The following CHLSN variants were observed in gnomAD, a reference collection of about 807,000 sequenced individuals.
CHLSN encodes protein cholesin.
chr7:1,041,302 A>ACCTGGGGTCCGCGCTGCGGGGAAGGGGG, the CHLSN span, among the ~76,000 whole-genome samples: 6 of 115,462 alleles, frequency 5.2e-5, no homozygotes, highest in Non-Finnish European at 9.5e-5. Flanking sequence ...GGGGAAGGGG[A>ACCTGGGGTCCGCGCTGCGGGGAAGGGGG]CCTGGGGTCC....
At chr7:1,057,432 C>T in the CHLSN span, 7 of 648,662 alleles carry the variant, frequency 1.1e-5, no homozygotes, top group African/African-American at 1.1e-4. Context: ...ACCTGCAGCA[C>T]TTCTGGGCCA....
the CHLSN span, among the ~76,000 whole-genome samples, chr7:1,115,315 C>T: frequency 3.3e-5 from 5 of 152,232 alleles, no homozygotes; most frequent in Non-Finnish European, 1.5e-5. Flanking sequence ...CTGCCACTGC[C>T]CACCCTTCGG....
the CHLSN span, among the ~76,000 whole-genome samples, chr7:1,008,851 G>GTAAACACACA: frequency 2.0e-5 from 3 of 147,504 alleles, no homozygotes. Flanking sequence ...ACGCACACAC[G>GTAAACACACA]TAAACACACG....
chr7:1,038,940 G>T, the CHLSN span, among the ~76,000 whole-genome samples: 1 of 69,532 alleles, frequency 1.4e-5, no homozygotes, highest in Non-Finnish European at 3.1e-5. Context: ...GGGCGCCTCT[G>T]CCCGGCCGCC....
At chr7:1,010,276 C>T in the CHLSN span, 2 of 768,048 alleles carry the variant, frequency 2.6e-6, no homozygotes, top group Non-Finnish European at 4.0e-6. Flanking sequence ...TGGGTCTGGC[C>T]CCAGCCGACA....
the CHLSN span, among the ~76,000 whole-genome samples, chr7:1,099,428 C>T: frequency 1.3e-5 from 2 of 152,234 alleles, no homozygotes; most frequent in Non-Finnish European, 2.9e-5. Context: ...TTCCTAAGAG[C>T]GGAAGGGTTT....
the CHLSN span, among the ~76,000 whole-genome samples, chr7:999,908 C>T: frequency 1.8e-4 from 28 of 152,360 alleles, no homozygotes; most frequent in African/African-American, 6.3e-4. Flanking sequence ...CTCGTTTCAT[C>T]CTGTGAAACT....
At chr7:1,074,824 G>C in the CHLSN span, 4 of 152,516 alleles carry the variant, frequency 2.6e-5, no homozygotes, top group African/African-American at 7.2e-5. Context: ...AGCCGCTCGA[G>C]GGACCCGCCC....
the CHLSN span, among the ~76,000 whole-genome samples, chr7:1,064,598 C>G: frequency 6.6e-6 from 1 of 152,232 alleles, no homozygotes; most frequent in Non-Finnish European, 1.5e-5. Context: ...GCTCAAAGCT[C>G]AAGTGTCACC....
At chr7:1,120,958 C>T in the CHLSN span, among the ~76,000 whole-genome samples, 523 of 152,074 alleles carry the variant, frequency 3.4e-3, 5 homozygotes, top group Admixed American at 5.0e-3. Context: ...TGGGGCAGCG[C>T]GGCTGGCAGA....
chr7:1,023,081 C>A, the CHLSN span: 3 of 424,978 alleles, frequency 7.1e-6, no homozygotes, highest in Non-Finnish European at 1.4e-5. This position sits in a 1 kb window ranked among gnomAD's most constrained non-coding sequence, Gnocchi z 5.0. Flanking sequence ...GGGACGCTTC[C>A]TGCCATGGTG....
the CHLSN span, among the ~76,000 whole-genome samples, chr7:1,063,392 G>C: frequency 6.6e-6 from 1 of 152,348 alleles, no homozygotes; most frequent in African/African-American, 2.4e-5. Flanking sequence ...GGGTGCTCCT[G>C]AGAAACGGGC....
At chr7:982,428 C>T in the CHLSN span, among the ~76,000 whole-genome samples, 4 of 152,238 alleles carry the variant, frequency 2.6e-5, no homozygotes, top group Admixed American at 6.5e-5. Context: ...GGCCCGGCCG[C>T]TTCTGCTGCC....
the CHLSN span, among the ~76,000 whole-genome samples, chr7:1,042,385 C>A: frequency 3.3e-5 from 5 of 152,300 alleles, no homozygotes; most frequent in East Asian, 5.8e-4. Context: ...CAGGGCCACA[C>A]GCCCCCCTAC....
the CHLSN span, chr7:1,092,999 T>C: frequency 2.5e-6 from 2 of 790,790 alleles, no homozygotes; most frequent in African/African-American, 1.7e-5. Flanking sequence ...AGGGTCACGC[T>C]TGCCTGGTCA....
At chr7:1,072,750 C>G in the CHLSN span, among the ~76,000 whole-genome samples, 5 of 140,052 alleles carry the variant, frequency 3.6e-5, no homozygotes, top group African/African-American at 1.4e-4. Context: ...GTGGCGCAAT[C>G]TCAGCTCACT....
chr7:1,126,232 G>A, the CHLSN span, among the ~76,000 whole-genome samples: 1 of 151,708 alleles, frequency 6.6e-6, no homozygotes, highest in African/African-American at 2.4e-5. Context: ...GTGGTGGTAG[G>A]CGCCTGTAGT....
chr7:1,019,952 G>A, the CHLSN span, among the ~76,000 whole-genome samples: 13 of 152,208 alleles, frequency 8.5e-5, no homozygotes, highest in African/African-American at 2.2e-4. Context: ...GGGAGGCCAC[G>A]GGGCACCTGG....
At chr7:1,062,347 A>G in the CHLSN span, among the ~76,000 whole-genome samples, 25 of 152,314 alleles carry the variant, frequency 1.6e-4, no homozygotes, top group Middle Eastern at 3.4e-3. Flanking sequence ...ACCGTAACAG[A>G]AAGTATCATA....
Sources: allele counts gnomAD v4.1 joint callset (sites outside exome capture counted in the v4.1 genomes callset), GRCh38; gene constraint gnomAD v4.1.1; non-coding constraint Gnocchi (gnomAD v3.1); transcripts MANE v1.5; gene names NCBI Gene and HGNC (gene_info 2026-07-23, HGNC 2026-07-21).